PLCH1: variants seen among roughly 807,000 people sequenced by gnomAD.
PLCH1 encodes the protein 1-phosphatidylinositol 4,5-bisphosphate phosphodiesterase eta-1.
A neutral mutation model predicts 126.7 loss-of-function variants in PLCH1; 60 were observed. That is an observed-to-expected ratio of 0.47 (90% CI 0.38 to 0.59). The LOEUF is 0.59. Ranked by LOEUF, PLCH1 falls within the 20% of genes least tolerant of loss-of-function variation. The pLI is 0.00. For missense variants in PLCH1, 1,723 were observed against 2,040.0 expected (o/e 0.84, Z 2.99); for synonymous variants, 719 against 734.9 (o/e 0.98, Z 0.35).
chr3:155,568,149 T>C, intron 7 of PLCH1, 82 bp downstream of exon 7: 1 of 664,434 alleles, frequency 1.5e-6, no homozygotes, highest in Non-Finnish European at 2.7e-6. Context: ...TGTCCTGATT[T>C]CTTTTCCTAA....
At chr3:155,518,761 C>T (rs1720685795) in intron 11 of PLCH1, among the ~76,000 whole-genome samples, 2 of 152,130 alleles carry the variant, frequency 1.3e-5, no homozygotes, top group South Asian at 4.1e-4. Flanking sequence ...TTTAAGAGCA[C>T]CTAGGGTATC....
At position 155,744,191 on chromosome 3, in the gene PLCH1, A is replaced by G. The variant is rs139489498; in HGVS notation, c.-41+649T>C. On this transcript the variant is annotated intron_variant, in intron 1 of 22. Coordinates refer to ENST00000460012, the MANE Select transcript of PLCH1 (RefSeq NM_014996.4). ...TCGCGGGGTGGCGTCTCGGACCCGC[A>G]GCTCAGTCGCCAAGGAAACGCCGCG... 3.4e-3 allele frequency among the ~76,000 whole-genome samples: 514 copies of G among 152,264 alleles called. 3 individuals are homozygous for G. The highest frequency in any genetic ancestry group is 5.3e-3 in the Admixed American group (81 of 15,306).
downstream of PLCH1, among the ~76,000 whole-genome samples, chr3:155,475,603 A>T (rs1713510628): frequency 6.6e-6 from 1 of 152,142 alleles, no homozygotes; most frequent in African/African-American, 2.4e-5. Context: ...AGATCCAAAT[A>T]AATAAAATGA....
At chr3:155,726,541 CTCTG>C (rs1374839884) in intron 1 of PLCH1, among the ~76,000 whole-genome samples, 1 of 152,162 alleles carries the variant, frequency 6.6e-6, no homozygotes, top group Non-Finnish European at 1.5e-5. Flanking sequence ...TTTTTACTTA[CTCTG>C]TCTGGAATTC....
chr3:155,598,536 A>C (rs1199185325), intron 2 of PLCH1, among the ~76,000 whole-genome samples: 1 of 152,214 alleles, frequency 6.6e-6, no homozygotes, highest in African/African-American at 2.4e-5. Flanking sequence ...AGGTGAAGCA[A>C]AGAACAAGGA....
intron 2 of PLCH1, among the ~76,000 whole-genome samples, chr3:155,647,723 A>T (rs1199050908): frequency 6.6e-6 from 1 of 152,116 alleles, no homozygotes; most frequent in Non-Finnish European, 1.5e-5. Context: ...AATAAAATTA[A>T]TTTTTTTAAA....
intron 1 of PLCH1, among the ~76,000 whole-genome samples, chr3:155,735,836 A>C (rs1749143981): frequency 6.6e-6 from 1 of 152,244 alleles, no homozygotes; most frequent in South Asian, 2.1e-4. Flanking sequence ...GCTGATATAT[A>C]ATGATACACA....
chr3:155,691,535 T>C (rs1325502516), intron 2 of PLCH1, among the ~76,000 whole-genome samples: 2 of 152,228 alleles, frequency 1.3e-5, no homozygotes, highest in African/African-American at 4.8e-5. Flanking sequence ...ACAGAGAACC[T>C]GAGCATCAGT....
intron 2 of PLCH1, among the ~76,000 whole-genome samples, chr3:155,700,123 G>T (rs1418130221): frequency 6.6e-6 from 1 of 152,138 alleles, no homozygotes; most frequent in East Asian, 1.9e-4. Context: ...CCCCAGAAGT[G>T]ACATGAGGCT....
In PLCH1 at chr3:155,704,176, G is replaced by A; in HGVS notation, c.49C>T (p.His17Tyr). The A allele has an allele frequency of 8.1e-7, 1 of 1,228,488 alleles. No homozygotes were observed. Among genetic ancestry groups the A allele is most frequent in the South Asian group, 4.1e-5 (1 of 24,262 alleles). The allele number at this position is 1,228,488 out of a possible 1,614,324, so 76.1% of individuals were successfully genotyped here. The part of the protein sequence containing the change: ...EKRNCVQYRR[H>Y]FLVDNSVFHV... ...AACACACTGTTGTCCACCAGAAAAT[G>A]CCTGCGGTACTGCACACAGTTCCTT... Residue 17 changes from histidine (H) to tyrosine (Y), a missense_variant, in exon 2 of 23, where the codon CAT becomes TAT. Transcript: ENST00000460012.
intron 2 of PLCH1, among the ~76,000 whole-genome samples, chr3:155,666,896 GTGTGTGTGTGT>G: frequency 4.4e-5 from 1 of 22,566 alleles, no homozygotes; most frequent in East Asian, 4.7e-3. Flanking sequence ...CAGATGAGGT[GTGTGTGTGTGT>G]GTGTGTGTGT....
downstream of PLCH1, among the ~76,000 whole-genome samples, chr3:155,475,454 A>G (rs1258442106): frequency 1.3e-5 from 2 of 152,088 alleles, no homozygotes; most frequent in Non-Finnish European, 2.9e-5. Context: ...AGTAGAAAAA[A>G]ATAAATAATA....
In PLCH1 at chr3:155,629,071, T is replaced by A. The variant is rs531616349; in HGVS notation, c.80-32693A>T. Among the ~76,000 whole-genome samples the A allele has an allele frequency of 2.0e-5, 3 of 152,354 alleles. No individual in the cohort carries two copies. In the East Asian group the frequency reaches 5.8e-4, roughly 29 times the overall value. On this transcript the variant is annotated intron_variant, in intron 2 of 22. Transcript: ENST00000460012. ...ACTTACTTAGTTAACTCTGAGCCAG[T>A]TTCTTCACATTTTAAGAGAATCGTG...
chr3:155,722,413 T>G (rs1183555208), intron 1 of PLCH1, among the ~76,000 whole-genome samples: 1 of 152,082 alleles, frequency 6.6e-6, no homozygotes. Flanking sequence ...CAACCCACCC[T>G]GGCCTCCCAA....
intron 2 of PLCH1, among the ~76,000 whole-genome samples, chr3:155,696,232 A>G (rs1247052910): frequency 1.4e-4 from 22 of 152,232 alleles, no homozygotes; most frequent in Non-Finnish European, 1.5e-5. Context: ...GCTGAAAGGA[A>G]TGAGCCCTAA....
At chr3:155,692,090 A>G (rs1156924811) in intron 2 of PLCH1, among the ~76,000 whole-genome samples, 2 of 152,154 alleles carry the variant, frequency 1.3e-5, no homozygotes, top group Non-Finnish European at 2.9e-5. Flanking sequence ...ATGTATCAAT[A>G]TATCTGTTGA....
At chr3:155,560,269 T>C (rs1271574497) in intron 8 of PLCH1, among the ~76,000 whole-genome samples, 1 of 152,206 alleles carries the variant, frequency 6.6e-6, no homozygotes, top group Admixed American at 6.5e-5. Context: ...AATGAGGCTG[T>C]GTGCTCAGGG....
intron 2 of PLCH1, among the ~76,000 whole-genome samples, chr3:155,648,478 G>A (rs1176263517): frequency 6.6e-6 from 1 of 152,132 alleles, no homozygotes; most frequent in African/African-American, 2.4e-5. Context: ...CTACTCCCCT[G>A]GTGAACATGC....
intron 2 of PLCH1, among the ~76,000 whole-genome samples, chr3:155,630,674 T>C (rs544068139): frequency 3.5e-4 from 54 of 152,356 alleles, no homozygotes; most frequent in African/African-American, 1.3e-3. Context: ...ACACTAAATC[T>C]GTATATTTGT....
Sources: gnomAD v4.1 joint callset for allele counts (sites outside exome capture counted in the v4.1 genomes callset) on GRCh38, gnomAD v4.1.1 for gene constraint, MANE v1.5 for transcripts, NCBI Gene and HGNC (gene_info 2026-07-23, HGNC 2026-07-21) for gene names.